The following PTPRK variants were observed in gnomAD, a reference collection of about 807,000 sequenced individuals.
PTPRK encodes receptor-type tyrosine-protein phosphatase kappa.
In PTPRK, 75 loss-of-function variants were observed where a neutral mutation model predicts 178.0. That is an observed-to-expected ratio of 0.42 (90% CI 0.35 to 0.51). PTPRK has a LOEUF of 0.51. Among genes scored for constraint, PTPRK ranks in the 20% least tolerant of loss-of-function variants. The probability of loss-of-function intolerance (pLI) is 0.02; values close to 1 mark genes in which losing one functional copy is unlikely to be tolerated. For synonymous variants in PTPRK, 637 were observed against 620.6 expected (o/e 1.03, Z -0.39); for missense variants, 1,441 against 1,797.8 (o/e 0.80, Z 3.59).
At position 128,147,307 on chromosome 6, in the gene PTPRK, G is replaced by GT. The variant is rs550789053; in HGVS notation, c.1162+37124dup. Among the ~76,000 whole-genome samples the GT allele has an allele frequency of 4.5e-3, 682 of 152,160 alleles. 5 individuals are homozygous for GT. Among genetic ancestry groups the GT allele is most frequent in the African/African-American group, 0.015 (614 of 41,536 alleles). On this transcript the variant is annotated intron_variant, in intron 7 of 29. Coordinates refer to ENST00000368226, the MANE Select transcript of PTPRK (RefSeq NM_002844.4). ...AATAGCTACAATAACATTTTACAGAGTTTTTTTAACTTGGAATTAGAAGAT... is the reference window on the plus strand; with the variant it reads ...AATAGCTACAATAACATTTTACAGAGTTTTTTTTAACTTGGAATTAGAAGAT...
chr6:128,402,464 G>C (rs1275265657), intron 1 of PTPRK, among the ~76,000 whole-genome samples: 1 of 152,124 alleles, frequency 6.6e-6, no homozygotes, highest in Non-Finnish European at 1.5e-5. Context: ...TGTGGGGCCA[G>C]GATGGTCTCA....
At chr6:128,219,132 T>C in intron 5 of PTPRK, 36 bp from the exon 6 acceptor site, 1 of 1,545,254 alleles carries the variant, frequency 6.5e-7, no homozygotes, top group Non-Finnish European at 8.9e-7. Context: ...AACAGGTTCT[T>C]ACTATTTTCA....
At chr6:128,063,735 T>C (rs1437705616) in intron 13 of PTPRK, among the ~76,000 whole-genome samples, 1 of 152,234 alleles carries the variant, frequency 6.6e-6, no homozygotes, top group African/African-American at 2.4e-5. Flanking sequence ...AGTATATTTT[T>C]TTCTCTTCCA....
At chr6:128,503,175 G>A (rs1043787694) in intron 1 of PTPRK, among the ~76,000 whole-genome samples, 8 of 152,202 alleles carry the variant, frequency 5.3e-5, no homozygotes, top group African/African-American at 7.2e-5. Context: ...GCAGTGAGCC[G>A]AGATCGCGCC....
In PTPRK at chr6:128,264,957, C is replaced by A. The variant is rs141577949; in HGVS notation, c.496-22355G>T. Among the ~76,000 whole-genome samples, 357 of 152,222 alleles carry A rather than the reference C, an allele frequency of 2.3e-3. 3 individuals are homozygous for A. The highest frequency in any genetic ancestry group is 8.0e-3 in the African/African-American group (333 of 41,534). ...GTAAGATGTGACTTGTTTCTCCTTG[C>A]CTTCTGCCATGATTGTGAGATTTCT... On this transcript the variant is annotated intron_variant, in intron 3 of 29. Coordinates refer to ENST00000368226, the MANE Select transcript of PTPRK (RefSeq NM_002844.4).
intron 1 of PTPRK, among the ~76,000 whole-genome samples, chr6:128,497,739 G>T (rs1404557891): frequency 6.7e-6 from 1 of 150,022 alleles, no homozygotes; most frequent in Non-Finnish European, 1.5e-5. Flanking sequence ...TCTTAATTTG[G>T]ATCCAAATTT....
At chr6:128,012,286 T>C (rs1053837324) in intron 13 of PTPRK, among the ~76,000 whole-genome samples, 1 of 151,320 alleles carries the variant, frequency 6.6e-6, no homozygotes, top group Non-Finnish European at 1.5e-5. Flanking sequence ...CTTGGCTTGC[T>C]ATAACCGAGG....
At chr6:128,043,540 T>A (rs931630750) in intron 13 of PTPRK, among the ~76,000 whole-genome samples, 3 of 151,818 alleles carry the variant, frequency 2.0e-5, no homozygotes, top group Admixed American at 6.6e-5. Flanking sequence ...AATATCATAC[T>A]ATAAAGCCAA....
intron 13 of PTPRK, among the ~76,000 whole-genome samples, chr6:128,016,455 T>C (rs891683758): frequency 6.6e-6 from 1 of 151,920 alleles, no homozygotes; most frequent in Non-Finnish European, 1.5e-5. Flanking sequence ...ACTTCTCATA[T>C]GAGGGTCTTA....
chr6:128,203,231 C>A (rs906610175), intron 6 of PTPRK, among the ~76,000 whole-genome samples: 4 of 152,164 alleles, frequency 2.6e-5, no homozygotes, highest in African/African-American at 9.7e-5. Flanking sequence ...AATATCTCTT[C>A]AGGTTAAAAA....
At chr6:128,434,263 T>C (rs982171457) in intron 1 of PTPRK, among the ~76,000 whole-genome samples, 1 of 152,280 alleles carries the variant, frequency 6.6e-6, no homozygotes, top group South Asian at 2.1e-4. Flanking sequence ...AGTACAATTG[T>C]ATAATTGTGG....
At chr6:128,461,286 G>C (rs6569528) in intron 1 of PTPRK, among the ~76,000 whole-genome samples, 15,104 of 151,496 alleles carry the variant, frequency 0.1, 1,084 homozygotes, top group African/African-American at 0.21. Flanking sequence ...TGAAAAGCCA[G>C]AATTCATCAG....
At chr6:128,000,173 C>CT (rs36043888) in intron 15 of PTPRK, 484,713 of 909,050 alleles carry the variant, frequency 0.53, 116,862 homozygotes, top group Admixed American at 0.56. Context: ...CTTAGGGGAA[C>CT]TTTTTTTTTA....
chr6:128,360,173 C>A (rs1834536500), intron 2 of PTPRK, among the ~76,000 whole-genome samples: 1 of 152,150 alleles, frequency 6.6e-6, no homozygotes, highest in Admixed American at 6.5e-5. Flanking sequence ...GAGATCATTT[C>A]ATAAAATCAC....
intron 19 of PTPRK, 46 bp from the exon 20 acceptor site, chr6:127,991,437 T>A: frequency 4.8e-6 from 7 of 1,444,276 alleles, no homozygotes; most frequent in Non-Finnish European, 6.6e-6. Flanking sequence ...AGGAATTTTG[T>A]AGTTAGTAAG....
intron 2 of PTPRK, among the ~76,000 whole-genome samples, chr6:128,336,179 T>C (rs1180465179): frequency 1.4e-5 from 2 of 141,420 alleles, no homozygotes; most frequent in East Asian, 4.3e-4. Flanking sequence ...GTGACCTCCA[T>C]TCCAACAGTG....
Position 127,973,093 on chromosome 6 carries a change from G to C in PTPRK, c.4198C>G (p.Gln1400Glu). The change falls in exon 29 of 30, where the codon CAA becomes GAA. Residue 1400 changes from glutamine (Q) to glutamate (E), a missense_variant. Transcript: ENST00000368226. ...GCATGGAAAACATCGACAACATTTT[G>C]CCGTTTCACCATTTCAACAACGATG... is the stretch of plus-strand genomic sequence containing the variant. The part of the protein sequence containing the change: ...IGIVVEMVKR[Q>E]NVVDVFHAVK... 1 of 1,613,968 alleles carries C rather than the reference G, an allele frequency of 6.2e-7. No individual in the cohort carries two copies. The highest frequency in any genetic ancestry group is 8.5e-7 in the Non-Finnish European group (1 of 1,179,946).
chr6:128,252,621 T>C (rs759657841), intron 3 of PTPRK, among the ~76,000 whole-genome samples: 34 of 152,172 alleles, frequency 2.2e-4, no homozygotes, highest in Non-Finnish European at 4.3e-4. Flanking sequence ...AGGGATTATA[T>C]ACTTGCTTTC....
chr6:128,004,962 T>C (rs1778250836), intron 15 of PTPRK, 122 bp downstream of exon 15: 1 of 806,240 alleles, frequency 1.2e-6, no homozygotes, highest in Non-Finnish European at 1.9e-6. Context: ...TCTCTTTCTC[T>C]TCTTTCTAGC....
Sources: allele counts gnomAD v4.1 joint callset (sites outside exome capture counted in the v4.1 genomes callset), GRCh38; gene constraint gnomAD v4.1.1; transcripts MANE v1.5; gene names NCBI Gene and HGNC (gene_info 2026-07-23, HGNC 2026-07-21).